The following RAPGEF2 variants were observed in gnomAD, a reference collection of about 807,000 sequenced individuals.
RAPGEF2 encodes Rap guanine nucleotide exchange factor 2.
RAPGEF2 carries 54 observed loss-of-function variants against 186.7 expected under a neutral mutation model. The ratio of observed to expected loss-of-function variants is 0.29; its 90% CI spans 0.23 to 0.36. The LOEUF is 0.36. RAPGEF2 is among the 10% of genes least tolerant of loss of function. The pLI is 1.00. For synonymous variants in RAPGEF2, 712 were observed against 705.9 expected, an observed-to-expected ratio of 1.01 and a Z score of -0.14; for missense variants, 1,532 against 2,045.0, an observed-to-expected ratio of 0.75 and a Z score of 4.84.
At chr4:159,312,522 G>A (rs554341956) in intron 8 of RAPGEF2, among the ~76,000 whole-genome samples, 1 of 152,046 alleles carries the variant, frequency 6.6e-6, no homozygotes, top group South Asian at 2.1e-4. Flanking sequence ...TTAATTTTGA[G>A]TTTAAATTAT....
chr4:159,174,151 C>T (rs1746204712), intron 1 of RAPGEF2, among the ~76,000 whole-genome samples: 1 of 152,222 alleles, frequency 6.6e-6, no homozygotes, highest in African/African-American at 2.4e-5. Context: ...AAAATCGTAA[C>T]TTAACAAGTG....
At chr4:159,336,333 C>A (rs542167579) in intron 17 of RAPGEF2, among the ~76,000 whole-genome samples, 1 of 152,196 alleles carries the variant, frequency 6.6e-6, no homozygotes, top group Admixed American at 6.5e-5. Context: ...CCTCACCCTT[C>A]CCCTTCTGAG....
Position 159,104,113 on chromosome 4 carries a change from A to T in RAPGEF2, c.-50A>T. 7.7e-7 allele frequency: 1 copy of T among 1,290,688 alleles called. No homozygotes were observed. The highest frequency in any genetic ancestry group is 1.0e-6 in the Non-Finnish European group (1 of 963,392). 80.0% of individuals were successfully genotyped at this position (1,290,688 alleles called of 1,614,324 possible). A position where few individuals can be genotyped will look rare whatever the true frequency, so the allele number is the denominator to read the frequency against. On this transcript the variant is annotated 5_prime_UTR_variant, in exon 1 of 30. Coordinates refer to ENST00000691494, the MANE Select transcript of RAPGEF2 (RefSeq NM_001394067.2). The stretch of plus-strand genomic sequence containing the variant: ...GAGGCAGCAGCGGCGCTGGGCCGGG[A>T]GGAGGCCGGCCAGGGTGCGGAGCGG...
intron 1 of RAPGEF2, among the ~76,000 whole-genome samples, chr4:159,174,825 C>G (rs1746294069): frequency 6.6e-6 from 1 of 151,016 alleles, no homozygotes. Context: ...GGCACAGTGA[C>G]AGCACACTGT....
chr4:159,268,673 A>T (rs1757731342), intron 7 of RAPGEF2, among the ~76,000 whole-genome samples: 1 of 151,984 alleles, frequency 6.6e-6, no homozygotes, highest in African/African-American at 2.4e-5. Context: ...GATCAGTGGG[A>T]CTCATCTGAT....
chr4:159,139,279 GA>G (rs141998744), intron 1 of RAPGEF2, among the ~76,000 whole-genome samples: 4,400 of 152,248 alleles, frequency 0.029, 97 homozygotes, highest in Admixed American at 0.052. Context: ...AAGCAGTGTG[GA>G]AAAGGGTGAA....
chr4:159,201,575 C>G (rs2111344616), intron 3 of RAPGEF2, among the ~76,000 whole-genome samples: 1 of 152,252 alleles, frequency 6.6e-6, no homozygotes, highest in South Asian at 2.1e-4. Flanking sequence ...TTTGAGAGCA[C>G]AAGTCTAAGC....
At chr4:159,190,361 C>A (rs534799578) in intron 2 of RAPGEF2, among the ~76,000 whole-genome samples, 69 of 152,150 alleles carry the variant, frequency 4.5e-4, no homozygotes, top group African/African-American at 1.6e-3. Flanking sequence ...AGTCTCTGTA[C>A]TTGTGGTCTT....
chr4:159,348,616 C>T lies in RAPGEF2; in HGVS notation c.3713-1521C>T, dbSNP rs114033245. Among the ~76,000 whole-genome samples, 436 of 152,162 alleles carry T rather than the reference C, an allele frequency of 2.9e-3. 2 individuals carry two copies. Among genetic ancestry groups the T allele is most frequent in the African/African-American group, 9.4e-3 (392 of 41,502 alleles). The stretch of plus-strand genomic sequence containing the variant: ...TGAATATGCATGCATTCCTGAATCC[C>T]CTGCAGTCTGTATCGTCTTTATGCA... On this transcript the variant is annotated intron_variant, in intron 25 of 29. Transcript: ENST00000691494.
At chr4:159,130,478 C>G (rs1461253322) in intron 1 of RAPGEF2, among the ~76,000 whole-genome samples, 2 of 152,174 alleles carry the variant, frequency 1.3e-5, no homozygotes, top group East Asian at 1.9e-4. Context: ...ATCCTCCCAC[C>G]TCAGCCCCCC....
chr4:159,331,653 G>A lies in RAPGEF2; in HGVS notation c.1599G>A (p.Leu533=), dbSNP rs1766696383. ...EREKMGGHLR[L]LNIACAAKAK... is the part of the protein sequence containing the mutation. Reference sequence around the variant, plus strand: ...AGAAAATGGGTGGACACCTAAGGCTGTTGAATATCGCGTGTGCTGCTAAAG... The same window carrying A: ...AGAAAATGGGTGGACACCTAAGGCTATTGAATATCGCGTGTGCTGCTAAAG... Residue 533 remains leucine (L), a synonymous_variant, in exon 15 of 30, where the codon CTG becomes CTA. Coordinates refer to ENST00000691494, the MANE Select transcript of RAPGEF2 (RefSeq NM_001394067.2). The A allele has an allele frequency of 2.5e-6, 4 of 1,614,060 alleles. No homozygotes were observed. Among genetic ancestry groups the A allele is most frequent in the South Asian group, 1.1e-5 (1 of 91,086 alleles).
Position 159,128,288 on chromosome 4 carries a change from G to T in RAPGEF2, c.69+24057G>T, listed in dbSNP as rs1740602695. On this transcript the variant is annotated intron_variant, in intron 1 of 29. Transcript: ENST00000691494. ...AAGAGAGGGACTGATGTTGTATCCA[G>T]TTACTCTCCACGTGACCCTGGAAAT... 3.9e-5 allele frequency among the ~76,000 whole-genome samples: 6 copies of T among 152,230 alleles called. No individual in the cohort carries two copies. The South Asian group carries it at 1.2e-3, about 32-fold the overall frequency.
intron 3 of RAPGEF2, among the ~76,000 whole-genome samples, chr4:159,195,264 A>G (rs1445413750): frequency 6.6e-6 from 1 of 152,260 alleles, no homozygotes; most frequent in Non-Finnish European, 1.5e-5. Flanking sequence ...TGGGAGCAAT[A>G]AAAAGTTATC....
chr4:159,334,368 C>T (rs112669933), intron 17 of RAPGEF2, among the ~76,000 whole-genome samples: 1,753 of 152,248 alleles, frequency 0.012, 27 homozygotes, highest in African/African-American at 0.039. Flanking sequence ...CATTCCTTAG[C>T]CTCCTGAGTA....
chr4:159,251,873 G>A (rs576636865), intron 7 of RAPGEF2, among the ~76,000 whole-genome samples: 1 of 151,762 alleles, frequency 6.6e-6, no homozygotes, highest in Admixed American at 6.6e-5. Flanking sequence ...GCTTGGGTTC[G>A]TTTCCACAGC....
intron 1 of RAPGEF2, among the ~76,000 whole-genome samples, chr4:159,173,767 G>A (rs1746157483): frequency 1.3e-5 from 2 of 152,056 alleles, no homozygotes; most frequent in Admixed American, 1.3e-4. Context: ...TCTGTTTTTG[G>A]TTGTTTTACT....
chr4:159,210,594 G>A lies in RAPGEF2; in HGVS notation c.281+11G>A, dbSNP rs192263874. 288 of 1,496,564 alleles carry A rather than the reference G, an allele frequency of 1.9e-4. No homozygotes were observed. In the African/African-American group the frequency reaches 3.5e-3, roughly 18 times the overall value. The allele number at this position is 1,496,564 out of a possible 1,614,324, so 92.7% of individuals were successfully genotyped here. The stretch of plus-strand genomic sequence containing the variant: ...TCTTCCAAGAAGCAGGTATTGTATA[G>A]ACATTCTGTAATAGATTATCCATGA... On this transcript the variant is annotated intron_variant, in intron 4 of 29. Coordinates refer to ENST00000691494, the MANE Select transcript of RAPGEF2 (RefSeq NM_001394067.2).
intron 1 of RAPGEF2, among the ~76,000 whole-genome samples, chr4:159,154,107 C>G (rs1435860333): frequency 6.6e-6 from 1 of 152,088 alleles, no homozygotes; most frequent in Non-Finnish European, 1.5e-5. Context: ...TTTCTAAGGT[C>G]TTTTCTAGCT....
intron 7 of RAPGEF2, among the ~76,000 whole-genome samples, chr4:159,252,079 G>C (rs1038213277): frequency 6.6e-6 from 1 of 152,142 alleles, no homozygotes; most frequent in Non-Finnish European, 1.5e-5. Flanking sequence ...CATTCACCGT[G>C]AGGGTCTGTG....
Sources: gnomAD v4.1 joint callset for allele counts (sites outside exome capture counted in the v4.1 genomes callset) on GRCh38, gnomAD v4.1.1 for gene constraint, MANE v1.5 for transcripts, NCBI Gene and HGNC (gene_info 2026-07-23, HGNC 2026-07-21) for gene names.